The following NAALADL2 variants were observed in gnomAD, a reference collection of about 807,000 sequenced individuals.
NAALADL2 encodes the protein N-acetylated alpha-linked acidic dipeptidase like 2.
NAALADL2 carries 76 observed loss-of-function variants against 87.2 expected under a neutral mutation model. The observed-to-expected ratio is 0.87, with a 90% CI of 0.72 to 1.05. NAALADL2 has a LOEUF of 1.05. Among genes scored for constraint, NAALADL2 ranks in the 50% least tolerant of loss-of-function variants. The probability of loss-of-function intolerance (pLI) is 0.00; values close to 1 mark genes in which losing one functional copy is unlikely to be tolerated. For missense variants in NAALADL2, 1,089 were observed against 945.8 expected (o/e 1.15, Z -1.99); for synonymous variants, 354 against 331.0 (o/e 1.07, Z -0.75).
At chr3:174,797,305 C>CTTTCTTTTTTTTTTTTTTTTTTT (rs1718236831) in intron 3 of NAALADL2, among the ~76,000 whole-genome samples, 1 of 72,720 alleles carries the variant, frequency 1.4e-5, no homozygotes, top group African/African-American at 7.1e-5. Flanking sequence ...TTTCTTTTTT[C>CTTTCTTTTTTTTTTTTTTTTTTT]TTTTTTTTTT....
chr3:175,350,860 A>T (rs1196575383), intron 5 of NAALADL2, among the ~76,000 whole-genome samples: 3 of 152,216 alleles, frequency 2.0e-5, no homozygotes, highest in Non-Finnish European at 4.4e-5. Context: ...TGAATTGTAA[A>T]TAAAATTATC....
chr3:175,070,973 G>T (rs189954806), intron 1 of NAALADL2, among the ~76,000 whole-genome samples: 1 of 152,004 alleles, frequency 6.6e-6, no homozygotes, highest in African/African-American at 2.4e-5. Flanking sequence ...TTATAAAATA[G>T]ATGTCATTCA....
At chr3:175,058,577 G>A (rs1712737363) in intron 1 of NAALADL2, among the ~76,000 whole-genome samples, 1 of 152,090 alleles carries the variant, frequency 6.6e-6, no homozygotes, top group African/African-American at 2.4e-5. Context: ...TGATAAGTCG[G>A]GGGGTGCATA....
chr3:175,073,840 G>T (rs1716098011), intron 1 of NAALADL2, among the ~76,000 whole-genome samples: 1 of 151,930 alleles, frequency 6.6e-6, no homozygotes, highest in African/African-American at 2.4e-5. Flanking sequence ...TAATTCGAAT[G>T]GAATGATCGT....
chr3:175,447,921 C>T (rs912717041), intron 6 of NAALADL2, among the ~76,000 whole-genome samples: 1 of 152,086 alleles, frequency 6.6e-6, no homozygotes, highest in African/African-American at 2.4e-5. Flanking sequence ...GGGATGAAAG[C>T]CTTGGGCTGC....
intron 1 of NAALADL2, among the ~76,000 whole-genome samples, chr3:175,022,570 C>T (rs959923852): frequency 1.3e-5 from 2 of 151,998 alleles, no homozygotes; most frequent in African/African-American, 2.4e-5. Flanking sequence ...CTTGCTGCTC[C>T]CTATAGCCAT....
chr3:174,467,835 A>G (rs1716632031), intron 1 of NAALADL2, among the ~76,000 whole-genome samples: 1 of 152,084 alleles, frequency 6.6e-6, no homozygotes, highest in Non-Finnish European at 1.5e-5. Flanking sequence ...TCATGTTTAT[A>G]TCACATAAAA....
intron 9 of NAALADL2, among the ~76,000 whole-genome samples, chr3:175,541,409 A>G (rs1411333726): frequency 6.6e-6 from 1 of 152,200 alleles, no homozygotes; most frequent in African/African-American, 2.4e-5. Flanking sequence ...AAGGTGCTCA[A>G]AACACATTAG....
chr3:174,739,599 CT>C (rs1171480586), intron 3 of NAALADL2, among the ~76,000 whole-genome samples: 7 of 152,012 alleles, frequency 4.6e-5, no homozygotes, highest in African/African-American at 1.7e-4. Context: ...CATGCAATGT[CT>C]TTTAGGTGGG....
rs559266055 is a variant in NAALADL2, at chr3:175,744,955, GA to G, written c.1990+7567del. On this transcript the variant is annotated intron_variant, in intron 12 of 13. Coordinates refer to ENST00000454872, the MANE Select transcript of NAALADL2 (RefSeq NM_207015.3). ...TTACTATTAATTTCTCAATTGCAGT[GA>G]AAAAAAAAAACTGACCTTCAAGGCT... 6.6e-4 allele frequency among the ~76,000 whole-genome samples: 96 copies of G among 146,072 alleles called. No homozygotes were observed. The East Asian group carries it at 0.016, about 24-fold the overall frequency.
intron 1 of NAALADL2, among the ~76,000 whole-genome samples, chr3:175,052,408 C>T (rs1019089033): frequency 6.6e-5 from 10 of 152,212 alleles, no homozygotes; most frequent in African/African-American, 2.4e-4. Flanking sequence ...AACATGTTCT[C>T]CTTCTTTGAT....
chr3:175,483,365 G>T (rs1726794723), intron 9 of NAALADL2, among the ~76,000 whole-genome samples: 1 of 141,138 alleles, frequency 7.1e-6, no homozygotes. Context: ...TCCTTTTCCT[G>T]ACCCTTTAAA....
chr3:174,741,964 C>T (rs1277339979), intron 3 of NAALADL2, among the ~76,000 whole-genome samples: 1 of 151,576 alleles, frequency 6.6e-6, no homozygotes, highest in Non-Finnish European at 1.5e-5. Flanking sequence ...GTATGCACTG[C>T]CTTCTTGTCC....
intron 3 of NAALADL2, among the ~76,000 whole-genome samples, chr3:174,830,463 T>C (rs1247150284): frequency 2.0e-5 from 3 of 152,106 alleles, no homozygotes; most frequent in Middle Eastern, 3.2e-3. Flanking sequence ...TTCTTTTCCA[T>C]TGATCTATAT....
chr3:174,878,756 G>T (rs1352170496), intron 1 of NAALADL2, among the ~76,000 whole-genome samples: 3 of 151,876 alleles, frequency 2.0e-5, no homozygotes, highest in Non-Finnish European at 4.4e-5. Flanking sequence ...GTTCATTAAA[G>T]ACATCATATT....
intron 1 of NAALADL2, among the ~76,000 whole-genome samples, chr3:174,968,439 T>TA (rs762908840): frequency 1.9e-4 from 29 of 152,002 alleles, no homozygotes; most frequent in Non-Finnish European, 3.7e-4. Context: ...GAAACACAAC[T>TA]AGTAAGTAGC....
chr3:174,910,402 T>C (rs1462188866), intron 1 of NAALADL2, among the ~76,000 whole-genome samples: 1 of 152,106 alleles, frequency 6.6e-6, no homozygotes, highest in South Asian at 2.1e-4. Flanking sequence ...ATAAAAAATT[T>C]TCCAGTTTAT....
At chr3:175,280,128 G>A (rs1015558197) in intron 4 of NAALADL2, among the ~76,000 whole-genome samples, 2 of 151,740 alleles carry the variant, frequency 1.3e-5, no homozygotes, top group Non-Finnish European at 2.9e-5. Context: ...GTAGGCATCT[G>A]ATCTTCCTGG....
At chr3:174,662,832 A>G (rs1725629726) in intron 2 of NAALADL2, among the ~76,000 whole-genome samples, 1 of 152,222 alleles carries the variant, frequency 6.6e-6, no homozygotes. Flanking sequence ...TATTCATAAA[A>G]GCCAGGAAGT....
Sources: gnomAD v4.1 joint callset for allele counts (sites outside exome capture counted in the v4.1 genomes callset) on GRCh38, gnomAD v4.1.1 for gene constraint, MANE v1.5 for transcripts, NCBI Gene and HGNC (gene_info 2026-07-23, HGNC 2026-07-21) for gene names.